ARID1B: variants seen among roughly 807,000 people sequenced by gnomAD.
ARID1B encodes AT-rich interactive domain-containing protein 1B.
Under a neutral mutation model 212.3 loss-of-function variants are expected in ARID1B, and 30 were observed. The observed-to-expected ratio is 0.14, with a 90% confidence interval of 0.11 to 0.19. The LOEUF (loss-of-function observed/expected upper bound fraction) is 0.19, where lower values mean the gene tolerates loss of function less well. ARID1B is among the 10% of genes least tolerant of loss of function. The probability of loss-of-function intolerance (pLI) is 1.00; values close to 1 mark genes in which losing one functional copy is unlikely to be tolerated. For missense variants in ARID1B, 2,891 were observed against 3,204.0 expected (o/e 0.90, Z 2.36); for synonymous variants, 1,402 against 1,301.7 (o/e 1.08, Z -1.66).
At chr6:156,829,145 A>G in intron 1 of ARID1B, 82 bp from the exon 2 acceptor site, 1 of 1,087,060 alleles carries the variant, frequency 9.2e-7, no homozygotes, top group South Asian at 1.7e-5. Flanking sequence ...TGTGTTATTA[A>G]TGCATATGTT....
chr6:157,039,641 CCTT>C (rs1197795478), intron 4 of ARID1B, among the ~76,000 whole-genome samples: 1 of 114,738 alleles, frequency 8.7e-6, no homozygotes, highest in Non-Finnish European at 1.9e-5. Context: ...TTCCTTCCTT[CCTT>C]CTTTCCTTCC....
chr6:156,928,514 G>A (rs1389786365), intron 3 of ARID1B, among the ~76,000 whole-genome samples: 2 of 152,164 alleles, frequency 1.3e-5, no homozygotes, highest in Non-Finnish European at 2.9e-5. Context: ...TGAGTGCAAG[G>A]CACTCTCTCC....
chr6:157,138,200 TTTGGTTGG>T (rs147835417), intron 7 of ARID1B, among the ~76,000 whole-genome samples: 18 of 149,088 alleles, frequency 1.2e-4, no homozygotes, highest in South Asian at 4.2e-4. Context: ...AACCTCCATC[TTTGGTTGG>T]TTGGTTGGTT....
In ARID1B at chr6:157,039,686, C is replaced by CTTCTTTCT. The variant is rs1562569253; in HGVS notation, c.2248-44973_2248-44972insTTTCTTTC. Among the ~76,000 whole-genome samples, 50 of 68,760 alleles carry CTTCTTTCT rather than the reference C, an allele frequency of 7.3e-4. 1 individual carries two copies. The highest frequency in any genetic ancestry group is 1.0e-3 in the Non-Finnish European group (32 of 31,048). 45.1% of individuals were successfully genotyped at this position (68,760 alleles called of 152,430 possible). A position where few individuals can be genotyped will look rare whatever the true frequency, so the allele number is the denominator to read the frequency against. On this transcript the variant is annotated intron_variant, in intron 4 of 19. Transcript: ENST00000636930. ...CCTTCCTTCCTTCCTTCCTTCCTTC[C>CTTCTTTCT]TTCCTTCCTTCTTTCTTTCCTTTCT...
intron 4 of ARID1B, among the ~76,000 whole-genome samples, chr6:157,073,427 A>C (rs1462463205): frequency 6.6e-6 from 1 of 152,132 alleles, no homozygotes; most frequent in East Asian, 1.9e-4. Context: ...CTTTTAAGTG[A>C]GATATTTTTC....
chr6:156,903,387 A>G (rs1789107310), intron 3 of ARID1B, among the ~76,000 whole-genome samples: 1 of 152,226 alleles, frequency 6.6e-6, no homozygotes, highest in Non-Finnish European at 1.5e-5. Flanking sequence ...TTCTGAATAA[A>G]ACCAAACATT....
chr6:156,997,251 T>G (rs1297811073), intron 4 of ARID1B, among the ~76,000 whole-genome samples: 1 of 152,222 alleles, frequency 6.6e-6, no homozygotes, highest in African/African-American at 2.4e-5. Context: ...GGTTGGATAC[T>G]TGATGCATCT....
In ARID1B at chr6:157,091,127, C is replaced by T. The variant is rs928344437; in HGVS notation, c.2491+6222C>T. 5.3e-5 allele frequency among the ~76,000 whole-genome samples: 8 copies of T among 152,148 alleles called. No individual in the cohort carries two copies. In the South Asian group the frequency reaches 8.3e-4, roughly 16 times the overall value. ...CGCTTGGTCAGAGCTCGTCCTCCTACGCCACAAAGCACCAATTCCTTTATA... is the reference window on the plus strand; with the variant it reads ...CGCTTGGTCAGAGCTCGTCCTCCTATGCCACAAAGCACCAATTCCTTTATA... On this transcript the variant is annotated intron_variant, in intron 5 of 19. Transcript: ENST00000636930.
At chr6:157,053,233 C>T (rs1239155834) in intron 4 of ARID1B, among the ~76,000 whole-genome samples, 1 of 152,038 alleles carries the variant, frequency 6.6e-6, no homozygotes, top group East Asian at 1.9e-4. Context: ...TTACAGGCGC[C>T]TACCGCTATG....
intron 4 of ARID1B, among the ~76,000 whole-genome samples, chr6:157,015,204 A>T (rs1583148770): frequency 6.6e-6 from 1 of 152,360 alleles, no homozygotes; most frequent in East Asian, 1.9e-4. Flanking sequence ...AACACCAGGG[A>T]TATGATTTCT....
intron 4 of ARID1B, among the ~76,000 whole-genome samples, chr6:157,017,578 C>T (rs1334710222): frequency 3.3e-5 from 5 of 152,170 alleles, no homozygotes; most frequent in Non-Finnish European, 7.4e-5. Flanking sequence ...TCAGTAGTAA[C>T]AAATGAGCAG....
chr6:157,051,709 A>G (rs1199826052), intron 4 of ARID1B, among the ~76,000 whole-genome samples: 1 of 152,218 alleles, frequency 6.6e-6, no homozygotes, highest in Non-Finnish European at 1.5e-5. Context: ...AGGAGAATGT[A>G]AAAATATAAT....
At chr6:156,831,550 T>C (rs1783139490) in intron 2 of ARID1B, among the ~76,000 whole-genome samples, 1 of 152,240 alleles carries the variant, frequency 6.6e-6, no homozygotes. Flanking sequence ...GGAGAGGGTG[T>C]GTGAAGAATG....
At chr6:156,834,442 G>A (rs1783362080) in intron 2 of ARID1B, among the ~76,000 whole-genome samples, 1 of 152,140 alleles carries the variant, frequency 6.6e-6, no homozygotes, top group South Asian at 2.1e-4. Flanking sequence ...ATTCATATCT[G>A]TGTGCACATG....
At chr6:156,973,021 A>G (rs566632331) in intron 4 of ARID1B, among the ~76,000 whole-genome samples, 5 of 152,360 alleles carry the variant, frequency 3.3e-5, no homozygotes, top group South Asian at 4.1e-4. Context: ...ATATAAAACC[A>G]TATATAGTAG....
At chr6:156,792,973 TG>T (rs989691306) in intron 1 of ARID1B, among the ~76,000 whole-genome samples, 1 of 151,842 alleles carries the variant, frequency 6.6e-6, no homozygotes, top group Admixed American at 6.6e-5. Flanking sequence ...AAAAAAAAAT[TG>T]GGGGAAGTAT....
chr6:157,100,952 A>G (rs935192176), intron 5 of ARID1B, among the ~76,000 whole-genome samples: 5 of 152,250 alleles, frequency 3.3e-5, no homozygotes, highest in African/African-American at 1.2e-4. Flanking sequence ...TTGGCAGAAT[A>G]TAAGAAATGC....
rs1784041659 is a variant in ARID1B, at chr6:156,843,572, T to C, written c.1986+14151T>C. 2.0e-5 allele frequency among the ~76,000 whole-genome samples: 3 copies of C among 152,094 alleles called. No homozygotes were observed. The South Asian group carries it at 6.2e-4, about 32-fold the overall frequency. ...CTATGGTAACACCGAGGGGCACACC[T>C]GGGCTGGGATAAGGACAGGAATGTA... On this transcript the variant is annotated intron_variant, in intron 2 of 19. Transcript: ENST00000636930.
intron 4 of ARID1B, among the ~76,000 whole-genome samples, chr6:156,983,108 GAAAA>G (rs989755745): frequency 6.8e-6 from 1 of 147,766 alleles, no homozygotes; most frequent in Non-Finnish European, 1.5e-5. Flanking sequence ...AAAAAAAAAA[GAAAA>G]AAAAGAAAGG....
Sources: allele counts gnomAD v4.1 joint callset (sites outside exome capture counted in the v4.1 genomes callset), GRCh38; gene constraint gnomAD v4.1.1; transcripts MANE v1.5; gene names NCBI Gene and HGNC (gene_info 2026-07-23, HGNC 2026-07-21).